The following ARHGEF3 variants were observed in gnomAD, a reference collection of about 807,000 sequenced individuals.
ARHGEF3 encodes the protein 59.8 kDA protein.
A neutral mutation model predicts 63.2 loss-of-function variants in ARHGEF3; 28 were observed. The ratio of observed to expected loss-of-function variants is 0.44; its 90% CI spans 0.33 to 0.61. The LOEUF (loss-of-function observed/expected upper bound fraction) is 0.61, where lower values mean the gene tolerates loss of function less well. ARHGEF3 is among the 20% of genes least tolerant of loss of function. The pLI, the probability that ARHGEF3 is intolerant of heterozygous loss-of-function variation, is 0.03. For synonymous variants in ARHGEF3, 266 were observed against 254.2 expected (o/e 1.05, Z -0.44); for missense variants, 533 against 659.3 (o/e 0.81, Z 2.10).
chr3:56,785,247 T>G (rs1439878302), intron 1 of ARHGEF3, among the ~76,000 whole-genome samples: 5 of 152,240 alleles, frequency 3.3e-5, no homozygotes, highest in Non-Finnish European at 7.4e-5. Context: ...ATCTGTTTAG[T>G]CAAGCTCTGG....
chr3:56,756,619 G>A (rs1228091981), intron 2 of ARHGEF3, among the ~76,000 whole-genome samples: 2 of 144,152 alleles, frequency 1.4e-5, no homozygotes, highest in Admixed American at 7.2e-5. Context: ...GTGCGATCTC[G>A]GCTCACTGCA....
intron 2 of ARHGEF3, among the ~76,000 whole-genome samples, chr3:57,024,298 T>TAAAA (rs57220752): frequency 2.8e-5 from 4 of 141,682 alleles, no homozygotes; most frequent in East Asian, 2.1e-4. Context: ...GGAAAGATAT[T>TAAAA]AAAAAAAAAA....
At chr3:56,967,273 T>C (rs1388783903) in intron 2 of ARHGEF3, among the ~76,000 whole-genome samples, 1 of 76,434 alleles carries the variant, frequency 1.3e-5, no homozygotes, top group African/African-American at 3.5e-5. Context: ...TTATATATAA[T>C]AATATTATAT....
At chr3:56,785,575 C>T (rs2036761164) in intron 1 of ARHGEF3, among the ~76,000 whole-genome samples, 1 of 152,204 alleles carries the variant, frequency 6.6e-6, no homozygotes, top group African/African-American at 2.4e-5. Context: ...GAAAGGACCA[C>T]ACAGAACCAC....
intron 9 of ARHGEF3, among the ~76,000 whole-genome samples, chr3:56,730,809 C>T (rs556778126): frequency 6.6e-6 from 1 of 152,312 alleles, no homozygotes; most frequent in African/African-American, 2.4e-5. Context: ...GACTGGGAAC[C>T]ACCACCACTT....
At chr3:56,999,354 CTAT>C (rs1353837277) in intron 2 of ARHGEF3, among the ~76,000 whole-genome samples, 1 of 152,134 alleles carries the variant, frequency 6.6e-6, no homozygotes, top group African/African-American at 2.4e-5. Flanking sequence ...CCCGGATGAG[CTAT>C]TTTTTAATCA....
intron 1 of ARHGEF3, among the ~76,000 whole-genome samples, chr3:57,037,180 A>C (rs1560151965): frequency 6.6e-6 from 1 of 152,076 alleles, no homozygotes; most frequent in African/African-American, 2.4e-5. Flanking sequence ...GAGAGTGAAA[A>C]TGTGGATCCC....
intron 2 of ARHGEF3, among the ~76,000 whole-genome samples, chr3:56,983,755 G>T (rs543548328): frequency 3.9e-5 from 6 of 152,202 alleles, no homozygotes; most frequent in African/African-American, 1.4e-4. Flanking sequence ...GGCCAATATG[G>T]TGAAACCCTG....
intron 3 of ARHGEF3, among the ~76,000 whole-genome samples, chr3:56,938,163 T>G (rs1698992237): frequency 6.6e-6 from 1 of 152,158 alleles, no homozygotes; most frequent in South Asian, 2.1e-4. Context: ...GTAACAGTCA[T>G]GCACAAAAAA....
intron 4 of ARHGEF3, among the ~76,000 whole-genome samples, chr3:56,861,978 C>T (rs1380456773): frequency 6.6e-6 from 1 of 151,772 alleles, no homozygotes; most frequent in East Asian, 1.9e-4. Flanking sequence ...TCCCTAAAAC[C>T]TATACACAGC....
intron 1 of ARHGEF3, among the ~76,000 whole-genome samples, chr3:57,037,396 G>A (rs1704006628): frequency 1.3e-5 from 2 of 152,202 alleles, no homozygotes; most frequent in African/African-American, 4.8e-5. Context: ...ACTGCTGCAA[G>A]GGACTTTACA....
At chr3:56,809,214 AAT>A (rs1329355573) in intron 4 of ARHGEF3, among the ~76,000 whole-genome samples, 2 of 152,204 alleles carry the variant, frequency 1.3e-5, no homozygotes, top group Non-Finnish European at 2.9e-5. Flanking sequence ...AATAAAGAGG[AAT>A]ATAGGAGTAA....
At position 56,771,158 on chromosome 3, in the gene ARHGEF3, T is replaced by A. The variant is rs1437965515; in HGVS notation, c.204+2551A>T. ...TTTGCCAAAAAAATCTTTGAGGTTT[T>A]AAAAACCAATTTCCACATGTCAGAT... On this transcript the variant is annotated intron_variant, in intron 2 of 9. Transcript: ENST00000296315. Among the ~76,000 whole-genome samples, 7 of 152,216 alleles carry A rather than the reference T, an allele frequency of 4.6e-5. 1 individual carries two copies. Among genetic ancestry groups the A allele is most frequent in the South Asian group, 4.2e-4 (2 of 4,810 alleles).
intron 3 of ARHGEF3, among the ~76,000 whole-genome samples, chr3:56,955,491 C>T (rs2106720330): frequency 6.6e-6 from 1 of 152,338 alleles, no homozygotes. Context: ...GCATGAGCCA[C>T]TGCGCCCGGC....
intron 4 of ARHGEF3, among the ~76,000 whole-genome samples, chr3:56,829,443 G>T (rs1476058703): frequency 6.6e-6 from 1 of 152,108 alleles, no homozygotes; most frequent in Non-Finnish European, 1.5e-5. Flanking sequence ...TTTGGCCCAG[G>T]TTGTTCAAAG....
At chr3:56,759,191 T>TG (rs1244964509) in intron 2 of ARHGEF3, among the ~76,000 whole-genome samples, 1 of 150,340 alleles carries the variant, frequency 6.7e-6, no homozygotes, top group Non-Finnish European at 1.5e-5. Context: ...TTTTTTTTTT[T>TG]TTTTGAGATG....
rs2032837711 is a variant in ARHGEF3, at chr3:56,727,928, TGAAA to T, written c.*1338_*1341del. ...TTTACTGCTTTCTTTTCTGTAAACT[TGAAA>T]GACAGATTAAAAAAAACTTTTTGGC... On this transcript the variant is annotated 3_prime_UTR_variant, in exon 10 of 10. Coordinates refer to ENST00000296315, the MANE Select transcript of ARHGEF3 (RefSeq NM_019555.3). 6.6e-6 allele frequency: 1 copy of T among 152,632 alleles called. No individual in the cohort carries two copies. Among genetic ancestry groups the T allele is most frequent in the Admixed American group, 6.5e-5 (1 of 15,268 alleles). The allele number at this position is 152,632 out of a possible 1,614,324, so 9.5% of individuals were successfully genotyped here. A position where few individuals can be genotyped will look rare whatever the true frequency, so the allele number is the denominator to read the frequency against.
At chr3:57,047,346 G>A (rs527802988) in intron 1 of ARHGEF3, among the ~76,000 whole-genome samples, 3 of 151,792 alleles carry the variant, frequency 2.0e-5, no homozygotes, top group Non-Finnish European at 4.4e-5. Flanking sequence ...GTAAGACTCC[G>A]TCTCAAACAG....
At chr3:56,839,062 C>T (rs1414038262) in intron 4 of ARHGEF3, among the ~76,000 whole-genome samples, 1 of 152,030 alleles carries the variant, frequency 6.6e-6, no homozygotes. Context: ...TCACTTGAGC[C>T]TGGGAGTTCA....
Sources: allele counts gnomAD v4.1 joint callset (sites outside exome capture counted in the v4.1 genomes callset), GRCh38; gene constraint gnomAD v4.1.1; transcripts MANE v1.5; gene names NCBI Gene and HGNC (gene_info 2026-07-23, HGNC 2026-07-21).